GGACT: variants seen among roughly 807,000 people sequenced by gnomAD.
GGACT encodes gamma-glutamylaminecyclotransferase.
For missense variants in GGACT, 241 were observed against 233.2 expected, an observed-to-expected ratio of 1.03 and a Z score of -0.22; for synonymous variants, 118 against 115.3, an observed-to-expected ratio of 1.02 and a Z score of -0.15.
intron 2 of GGACT, among the ~76,000 whole-genome samples, chr13:100,556,898 G>A (rs552998298): frequency 6.6e-6 from 1 of 152,074 alleles, no homozygotes; most frequent in South Asian, 2.1e-4. Flanking sequence ...TTTTGAGGTG[G>A]AGTCTTGCTC....
chr13:100,577,436 A>AATAG (rs1555335033), intron 2 of GGACT, among the ~76,000 whole-genome samples: 1 of 150,876 alleles, frequency 6.6e-6, no homozygotes, highest in Non-Finnish European at 1.5e-5. Flanking sequence ...TAAATAAATA[A>AATAG]ATAAATAAAT....
intron 2 of GGACT, among the ~76,000 whole-genome samples, chr13:100,572,479 A>G (rs1198050942): frequency 6.6e-6 from 1 of 152,272 alleles, no homozygotes; most frequent in Non-Finnish European, 1.5e-5. Flanking sequence ...TTGCACAACA[A>G]TGTGAATATA....
At chr13:100,536,448 C>T (rs2088493257) in intron 2 of GGACT, 1 of 149,788 alleles carries the variant, frequency 6.7e-6, no homozygotes, top group Non-Finnish European at 1.5e-5. Context: ...TCTTGCATTT[C>T]TTCTATTAAA....
rs1367018164 is a variant in GGACT at position 100,531,938 on chromosome 13, A to G, written c.*192T>C. On this transcript the variant is annotated 3_prime_UTR_variant, in exon 3 of 3. Transcript: ENST00000683975. Reference sequence around the variant, plus strand: ...CCTAAATTTTTCTTACCAGGTAGAAAGATGGGAGGGAAGCACCTTGCTATT... The same window carrying G: ...CCTAAATTTTTCTTACCAGGTAGAAGGATGGGAGGGAAGCACCTTGCTATT... The G allele has an allele frequency of 2.3e-6, 1 of 429,078 alleles. No individual in the cohort carries two copies. The highest frequency in any genetic ancestry group is 2.0e-5 in the African/African-American group (1 of 49,124). The allele number at this position is 429,078 out of a possible 1,614,324, so 26.6% of individuals were successfully genotyped here. A position where few individuals can be genotyped will look rare whatever the true frequency, so the allele number is the denominator to read the frequency against.
intron 2 of GGACT, among the ~76,000 whole-genome samples, chr13:100,558,668 T>G (rs1566534686): frequency 6.6e-6 from 1 of 152,198 alleles, no homozygotes; most frequent in Non-Finnish European, 1.5e-5. Flanking sequence ...ATAAATGAAC[T>G]CATATATCCA....
intron 2 of GGACT, among the ~76,000 whole-genome samples, 156 bp from the exon 3 acceptor site, chr13:100,532,757 A>G (rs1234507664): frequency 6.6e-6 from 1 of 152,266 alleles, no homozygotes; most frequent in Non-Finnish European, 1.5e-5. Flanking sequence ...GACGCAGATG[A>G]GAATGACCTA....
chr13:100,539,836 G>C, intron 2 of GGACT: 2 of 355,554 alleles, frequency 5.6e-6, no homozygotes, highest in Non-Finnish European at 9.2e-6. Flanking sequence ...TTTTTTTTAA[G>C]TACAATTTCC....
intron 2 of GGACT, among the ~76,000 whole-genome samples, chr13:100,551,707 T>G (rs2088666243): frequency 6.6e-6 from 1 of 152,226 alleles, no homozygotes; most frequent in Non-Finnish European, 1.5e-5. Context: ...GGGGCACAGC[T>G]GCCCAAAGAA....
intron 2 of GGACT, among the ~76,000 whole-genome samples, chr13:100,552,750 C>T (rs566022930): frequency 8.8e-4 from 134 of 152,274 alleles, no homozygotes; most frequent in East Asian, 2.7e-3. Context: ...AGGTACTGAG[C>T]ATCTAGGACG....
chr13:100,550,160 A>G (rs1477496724), intron 2 of GGACT, among the ~76,000 whole-genome samples: 13 of 152,150 alleles, frequency 8.5e-5, no homozygotes, highest in Non-Finnish European at 5.9e-5. Context: ...ACGTGAACGC[A>G]CGGCCGGCCA....
At chr13:100,533,234 A>T (rs1302618876) in intron 2 of GGACT, 1 of 154,972 alleles carries the variant, frequency 6.5e-6, no homozygotes, top group Non-Finnish European at 1.4e-5. Flanking sequence ...TCCCAGACAC[A>T]CCCTGTCCAG....
chr13:100,560,279 T>C (rs1054296475), intron 2 of GGACT, among the ~76,000 whole-genome samples: 1 of 152,222 alleles, frequency 6.6e-6, no homozygotes, highest in Non-Finnish European at 1.5e-5. Context: ...TCAAAAAAGC[T>C]GAATTATTTT....
chr13:100,570,876 CT>C (rs1875061811), intron 2 of GGACT, among the ~76,000 whole-genome samples: 1 of 152,072 alleles, frequency 6.6e-6, no homozygotes, highest in Non-Finnish European at 1.5e-5. Context: ...GCTTAAATGC[CT>C]GCTCAGATGA....
In GGACT at chr13:100,569,283, G is replaced by A. The variant is rs189321864; in HGVS notation, c.-11+14542C>T. Among the ~76,000 whole-genome samples, 41 of 152,356 alleles carry A rather than the reference G, an allele frequency of 2.7e-4. 1 individual carries two copies. The highest frequency in any genetic ancestry group is 2.5e-3 in the East Asian group (13 of 5,178). The stretch of plus-strand genomic sequence containing the variant: ...ATGAGGGCTCTGCCCCTGCAGCATC[G>A]TTCTGCCTGGACATCCAGGTGCCTC... On this transcript the variant is annotated intron_variant, in intron 2 of 2. Coordinates refer to ENST00000683975, the MANE Select transcript of GGACT (RefSeq NM_001195087.2).
chr13:100,581,924 G>A (rs1875431614), intron 2 of GGACT, among the ~76,000 whole-genome samples: 1 of 152,208 alleles, frequency 6.6e-6, no homozygotes, highest in Non-Finnish European at 1.5e-5. Flanking sequence ...AATTATGCTG[G>A]GTTGTTCTGA....
intron 2 of GGACT, among the ~76,000 whole-genome samples, chr13:100,579,223 T>G (rs769604898): frequency 6.6e-6 from 1 of 152,112 alleles, no homozygotes; most frequent in East Asian, 1.9e-4. Context: ...AAACAATTAA[T>G]TATGCAAGAC....
rs1269734764 is a variant in GGACT, at chr13:100,583,809, G to C, written c.-11+16C>G. 6.6e-6 allele frequency: 1 copy of C among 152,194 alleles called. No homozygotes were observed. Among genetic ancestry groups the C allele is most frequent in the East Asian group, 1.9e-4 (1 of 5,198 alleles). 9.4% of individuals were successfully genotyped at this position (152,194 alleles called of 1,614,324 possible). A position where few individuals can be genotyped will look rare whatever the true frequency, so the allele number is the denominator to read the frequency against. ...TGAGCAATGAACACTCTAGAACAGA[G>C]GCTAACAGTTCTCACCTGTAAGCTT... On this transcript the variant is annotated intron_variant, in intron 2 of 2. Coordinates refer to ENST00000683975, the MANE Select transcript of GGACT (RefSeq NM_001195087.2).
At chr13:100,560,419 G>A (rs934190378) in intron 2 of GGACT, among the ~76,000 whole-genome samples, 5 of 152,198 alleles carry the variant, frequency 3.3e-5, no homozygotes, top group South Asian at 2.1e-4. Context: ...ACACAGGCCC[G>A]TCTGTTCCTC....
intron 2 of GGACT, among the ~76,000 whole-genome samples, chr13:100,552,681 C>T (rs991760196): frequency 7.9e-5 from 12 of 152,186 alleles, no homozygotes; most frequent in Admixed American, 7.2e-4. Context: ...AGATCATCTG[C>T]CCAGTGCTCA....
Sources: allele counts gnomAD v4.1 joint callset (sites outside exome capture counted in the v4.1 genomes callset), GRCh38; gene constraint gnomAD v4.1.1; transcripts MANE v1.5; gene names NCBI Gene and HGNC (gene_info 2026-07-23, HGNC 2026-07-21).